Variants in CDC42BPA observed in about 807,000 individuals in gnomAD.
CDC42BPA encodes CDC42 binding protein kinase alpha.
A neutral mutation model predicts 223.5 loss-of-function variants in CDC42BPA; 80 were observed. That is an observed-to-expected ratio of 0.36 (90% CI 0.30 to 0.43). The LOEUF (loss-of-function observed/expected upper bound fraction) is 0.43, where lower values mean the gene tolerates loss of function less well. CDC42BPA is among the 20% of genes least tolerant of loss of function. The probability of loss-of-function intolerance (pLI) is 1.00; values close to 1 mark genes in which losing one functional copy is unlikely to be tolerated. For synonymous variants in CDC42BPA, 694 were observed against 718.6 expected, an observed-to-expected ratio of 0.97 and a Z score of 0.55; for missense variants, 1,743 against 2,099.9, an observed-to-expected ratio of 0.83 and a Z score of 3.32.
Position 227,317,126 on chromosome 1 carries a change from A to G in CDC42BPA, c.57T>C (p.Ala19=). The change falls in exon 1 of 37, where the codon GCT becomes GCC. Residue 19 remains alanine, a synonymous_variant. Transcript: ENST00000366766. ...CACTGAAGCACTGCCCATTGGTCTG[A>G]GCGGGCCCGTCCAAAATAAACTGCT... ...QLEQFILDGP[A]QTNGQCFSVE... 2 of 1,614,076 alleles carry G rather than the reference A, an allele frequency of 1.2e-6. No homozygotes were observed. Among genetic ancestry groups the G allele is most frequent in the Non-Finnish European group, 8.5e-7 (1 of 1,179,982 alleles).
At chr1:227,024,930 T>C (rs994936681) in intron 31 of CDC42BPA, among the ~76,000 whole-genome samples, 24 of 152,286 alleles carry the variant, frequency 1.6e-4, no homozygotes, top group Admixed American at 6.5e-4. Context: ...TTCACATACA[T>C]TGCAAAAATT....
At position 227,280,736 on chromosome 1, in the gene CDC42BPA, C is replaced by T. The variant is rs548111254; in HGVS notation, c.179-26581G>A. The stretch of plus-strand genomic sequence containing the variant: ...AAAAATCTGATCTTAATTGACTCTC[C>T]GGTATAAATGAATGATAAAAACTTA... On this transcript the variant is annotated intron_variant, in intron 1 of 36. Transcript: ENST00000366766. 7.2e-5 allele frequency among the ~76,000 whole-genome samples: 11 copies of T among 152,252 alleles called. No individual in the cohort carries two copies. In the South Asian group the frequency reaches 1.2e-3, roughly 17 times the overall value.
chr1:227,073,792 A>G, intron 19 of CDC42BPA, 72 bp downstream of exon 19: 1 of 1,233,900 alleles, frequency 8.1e-7, no homozygotes, highest in Non-Finnish European at 1.1e-6. Context: ...GAAACTAAAC[A>G]TGTAACTTCT....
At chr1:227,233,127 G>T (rs769402167) in intron 2 of CDC42BPA, among the ~76,000 whole-genome samples, 1 of 152,194 alleles carries the variant, frequency 6.6e-6, no homozygotes, top group Non-Finnish European at 1.5e-5. Context: ...CCTGTCTTCT[G>T]CGTCACTCAC....
At chr1:227,069,901 A>C (rs371255547) in intron 20 of CDC42BPA, 48 bp from the exon 21 acceptor site, 7 of 1,247,738 alleles carry the variant, frequency 5.6e-6, no homozygotes, top group Non-Finnish European at 8.2e-6. Flanking sequence ...ATTAAAATTG[A>C]TTTTAATGGA....
intron 23 of CDC42BPA, among the ~76,000 whole-genome samples, chr1:227,040,935 T>C (rs1487198453): frequency 6.6e-6 from 1 of 152,212 alleles, no homozygotes; most frequent in East Asian, 1.9e-4. Flanking sequence ...TTAATTCTCT[T>C]AGCATGTTTT....
At chr1:227,100,747 AGT>A (rs57210205) in intron 15 of CDC42BPA, among the ~76,000 whole-genome samples, 25,221 of 137,238 alleles carry the variant, frequency 0.18, 2,210 homozygotes, top group African/African-American at 0.22. Flanking sequence ...ATACCCAGCT[AGT>A]GTGTGTGTGT....
intron 9 of CDC42BPA, 47 bp downstream of exon 9, chr1:227,142,898 G>T: frequency 7.7e-7 from 1 of 1,307,078 alleles, no homozygotes; most frequent in Non-Finnish European, 1.1e-6. Flanking sequence ...GATTACAGGC[G>T]TGAGCCACTG....
At chr1:227,239,075 A>T (rs372496401) in intron 2 of CDC42BPA, among the ~76,000 whole-genome samples, 20 of 152,226 alleles carry the variant, frequency 1.3e-4, no homozygotes, top group African/African-American at 3.6e-4. Flanking sequence ...TATCTAGACA[A>T]TGTAATATTA....
chr1:227,048,092 A>G, intron 22 of CDC42BPA, 82 bp from the exon 23 acceptor site: 5 of 809,318 alleles, frequency 6.2e-6, no homozygotes, highest in Non-Finnish European at 9.7e-6. Context: ...AGCCAAAATA[A>G]ATAAAACAAA....
Position 227,106,424 on chromosome 1 carries a change from T to C in CDC42BPA, c.2002-5185A>G, listed in dbSNP as rs182552448. The stretch of plus-strand genomic sequence containing the variant: ...TTCTTAATAATGTCCTTTGATACCA[T>C]ACACATTAAGTTTTAATTTTGATAA... On this transcript the variant is annotated intron_variant, in intron 14 of 36. Transcript: ENST00000366766. 6.2e-3 allele frequency among the ~76,000 whole-genome samples: 946 copies of C among 152,302 alleles called. 3 individuals are homozygous for C. The highest frequency in any genetic ancestry group is 8.6e-3 in the Non-Finnish European group (586 of 68,022).
intron 2 of CDC42BPA, among the ~76,000 whole-genome samples, chr1:227,245,282 A>ATTTTTTTT (rs1558857197): frequency 7.7e-6 from 1 of 129,390 alleles, no homozygotes; most frequent in African/African-American, 2.7e-5. Context: ...TTTGTCTTGC[A>ATTTTTTTT]TCTTTTTTTT....
chr1:227,261,079 A>C (rs1418802136), intron 1 of CDC42BPA, among the ~76,000 whole-genome samples: 1 of 149,526 alleles, frequency 6.7e-6, no homozygotes, highest in Non-Finnish European at 1.5e-5. Context: ...TTTAAGCACC[A>C]GTATCTTTCA....
At position 227,083,410 on chromosome 1, in the gene CDC42BPA, C is replaced by T. The variant is rs199992779; in HGVS notation, c.2356-2393G>A. 8.6e-5 allele frequency among the ~76,000 whole-genome samples: 13 copies of T among 151,974 alleles called. No individual in the cohort carries two copies. In the East Asian group the frequency reaches 2.3e-3, roughly 27 times the overall value. On this transcript the variant is annotated intron_variant, in intron 16 of 36. Coordinates refer to ENST00000366766, the MANE Select transcript of CDC42BPA (RefSeq NM_001394014.1). ...CTATTTGACAGTTTTGTATAGATTC[C>T]AGTTGTTTGCTGAAATCCTTCATAT...
rs1671365379 is a variant in CDC42BPA at position 227,199,584 on chromosome 1, G to A, written c.423C>T (p.His141=). 2 of 1,597,364 alleles carry A rather than the reference G, an allele frequency of 1.3e-6. No individual in the cohort carries two copies. Among genetic ancestry groups the A allele is most frequent in the Non-Finnish European group, 1.7e-6 (2 of 1,166,584 alleles). ...AGTTATTGTCATCCTGGAAAGCATA[G>A]TGCAAGGTTGTAATCCATTTATTGT... is the stretch of plus-strand genomic sequence containing the variant. ...NGDNKWITTL[H]YAFQDDNNLY... Residue 141 remains histidine, a synonymous_variant, in exon 4 of 37, where the codon CAC becomes CAT. Coordinates refer to ENST00000366766, the MANE Select transcript of CDC42BPA (RefSeq NM_001394014.1).
chr1:227,160,595 T>C lies in CDC42BPA; in HGVS notation c.641A>G (p.His214Arg). The C allele has an allele frequency of 6.2e-7, 1 of 1,608,584 alleles. No individual in the cohort carries two copies. ...AGAACCAAAATCTGCTAACCGAATA[T>C]GTCCATTCATATCCATCAGTATATT... Reference protein sequence around the residue: ...PDNILMDMNGHIRLADFGSCL... With the variant: ...PDNILMDMNGRIRLADFGSCL... Residue 214 changes from histidine to arginine, a missense_variant, in exon 6 of 37, where the codon CAT becomes CGT. This residue lies in a region of CDC42BPA where 321 missense variants were observed against 488.7 expected (regional missense o/e 0.66). Transcript: ENST00000366766.
intron 3 of CDC42BPA, among the ~76,000 whole-genome samples, chr1:227,201,773 GTTTTT>G: frequency 6.8e-6 from 1 of 146,572 alleles, no homozygotes; most frequent in East Asian, 2.0e-4. Context: ...TGCTCTGTAA[GTTTTT>G]TTTTTTTTTC....
Position 227,069,927 on chromosome 1 carries a change from G to C in CDC42BPA, c.2828-74C>G, listed in dbSNP as rs1011493486. 17 of 968,020 alleles carry C rather than the reference G, an allele frequency of 1.8e-5. No individual in the cohort carries two copies. In the African/African-American group the frequency reaches 2.4e-4, roughly 14 times the overall value. The allele number at this position is 968,020 out of a possible 1,614,324, so 60.0% of individuals were successfully genotyped here. The stretch of plus-strand genomic sequence containing the variant: ...TTTTAATGGATAACCTTCCCTGTCT[G>C]AATCTACTAAAAGCAGTTCACAAAC... On this transcript the variant is annotated intron_variant, in intron 20 of 36. Coordinates refer to ENST00000366766, the MANE Select transcript of CDC42BPA (RefSeq NM_001394014.1).
In CDC42BPA at chr1:227,047,900, C is replaced by T. The variant is rs1403956535; in HGVS notation, c.3093+27G>A. On this transcript the variant is annotated intron_variant, in intron 23 of 36. Coordinates refer to ENST00000366766, the MANE Select transcript of CDC42BPA (RefSeq NM_001394014.1). The stretch of plus-strand genomic sequence containing the variant: ...GATAAAATTCATTTTTTTTGGAACA[C>T]ACTATGCTTATAACTAGATTGAGTA... 28 of 1,387,340 alleles carry T rather than the reference C, an allele frequency of 2.0e-5. No individual in the cohort carries two copies. The Admixed American group carries it at 4.0e-4, about 20-fold the overall frequency. The allele number at this position is 1,387,340 out of a possible 1,614,324, so 85.9% of individuals were successfully genotyped here. A position where few individuals can be genotyped will look rare whatever the true frequency, so the allele number is the denominator to read the frequency against.
Sources: allele counts gnomAD v4.1 joint callset (sites outside exome capture counted in the v4.1 genomes callset), GRCh38; gene constraint gnomAD v4.1.1; regional missense constraint gnomAD v4.1.1; transcripts MANE v1.5; gene names NCBI Gene and HGNC (gene_info 2026-07-23, HGNC 2026-07-21).